Variants in MAP3K10 observed in about 807,000 individuals in gnomAD.
MAP3K10 encodes mitogen-activated protein kinase kinase kinase 10, also known as MKN28 derived nonreceptor_type serine/threonine kinase.
MAP3K10 carries 22 observed loss-of-function variants against 75.0 expected under a neutral mutation model. The observed-to-expected ratio is 0.29, with a 90% CI of 0.21 to 0.42. MAP3K10 has a LOEUF of 0.42. Ranked by LOEUF, MAP3K10 falls within the 10% of genes least tolerant of loss-of-function variation. The pLI, the probability that MAP3K10 is intolerant of heterozygous loss-of-function variation, is 1.00. For synonymous variants in MAP3K10, 599 were observed against 612.9 expected (o/e 0.98, Z 0.34); for missense variants, 1,165 against 1,379.8 (o/e 0.84, Z 2.47).
chr19:40,200,454 C>T (rs1176160491), intron 2 of MAP3K10, among the ~76,000 whole-genome samples: 3 of 151,956 alleles, frequency 2.0e-5, no homozygotes, highest in Admixed American at 6.6e-5. Context: ...TTACTGTTCC[C>T]GTCAATTCCC....
intron 2 of MAP3K10, among the ~76,000 whole-genome samples, chr19:40,202,994 A>G (rs1041307327): frequency 4.6e-5 from 7 of 152,202 alleles, no homozygotes; most frequent in Non-Finnish European, 7.3e-5. Flanking sequence ...GATTGTGTCT[A>G]TCTCTTCCCA....
intron 6 of MAP3K10, among the ~76,000 whole-genome samples, chr19:40,211,325 T>G (rs1449912183): frequency 6.6e-6 from 1 of 151,658 alleles, no homozygotes; most frequent in Non-Finnish European, 1.5e-5. Context: ...TTCTTTTTTT[T>G]TTTTTTTTTT....
chr19:40,198,262 C>A lies in MAP3K10; in HGVS notation c.683-113C>A. The stretch of plus-strand genomic sequence containing the variant: ...GGAAAGGACCTGCCACAGAGCGGGG[C>A]AGCCTGAGGCAGTGAGAGGAAAGAC... On this transcript the variant is annotated intron_variant, in intron 1 of 9. Coordinates refer to ENST00000253055, the MANE Select transcript of MAP3K10 (RefSeq NM_002446.4). The surrounding 1 kb of genome is among the most constrained non-coding windows in gnomAD (Gnocchi z 4.3). 2.0e-6 allele frequency: 2 copies of A among 1,001,284 alleles called. No individual in the cohort carries two copies. Among genetic ancestry groups the A allele is most frequent in the Non-Finnish European group, 2.9e-6 (2 of 681,114 alleles). The allele number at this position is 1,001,284 out of a possible 1,614,324, so 62.0% of individuals were successfully genotyped here.
rs762803308 is a variant in MAP3K10 at position 40,192,679 on chromosome 19, G to A, written c.648G>A (p.Val216=). 1.3e-6 allele frequency: 2 copies of A among 1,556,206 alleles called. No individual in the cohort carries two copies. Among genetic ancestry groups the A allele is most frequent in the Non-Finnish European group, 1.7e-6 (2 of 1,150,050 alleles). Residue 216 remains valine (V), a synonymous_variant, in exon 1 of 10, where the codon GTG becomes GTA. Transcript: ENST00000253055. This position sits in a 1 kb window ranked among gnomAD's most constrained non-coding sequence, Gnocchi z 7.1. ...ACTACCTACACAATGATGCCCCTGT[G>A]CCCATCATCCACCGGGACCTCAAGT... The part of the protein sequence containing the change: ...GMNYLHNDAP[V]PIIHRDLKSI...
In MAP3K10 at chr19:40,206,022, G is replaced by A. The variant is rs1424848404; in HGVS notation, c.1300G>A (p.Val434Met). ...GCTGGCAGAACGTGAGATGGACATC[G>A]TGGAACGGGAGCTGCACCTGCTCAT... ...QELAEREMDIVERELHLLMCQ... is the reference protein window; with the variant it reads ...QELAEREMDIMERELHLLMCQ... Residue 434 changes from valine (V) to methionine (M), a missense_variant, in exon 5 of 10, where the codon GTG (valine) becomes ATG (methionine). By Grantham distance (21) the Val-to-Met change is conservative. Coordinates refer to ENST00000253055, the MANE Select transcript of MAP3K10 (RefSeq NM_002446.4). 3.7e-6 allele frequency: 6 copies of A among 1,613,118 alleles called. No homozygotes were observed. Among genetic ancestry groups the A allele is most frequent in the Non-Finnish European group, 4.2e-6 (5 of 1,179,616 alleles).
chr19:40,201,970 C>T (rs541687947), intron 2 of MAP3K10, among the ~76,000 whole-genome samples: 19 of 151,652 alleles, frequency 1.3e-4, no homozygotes, highest in Non-Finnish European at 2.5e-4. Context: ...TCCCCTTGTC[C>T]CCCACCCCCC....
rs1973073307 is a variant in MAP3K10, at chr19:40,204,141, G to A, written c.864-344G>A. Among the ~76,000 whole-genome samples the A allele has an allele frequency of 6.6e-6, 1 of 152,188 alleles. No individual in the cohort carries two copies. Among genetic ancestry groups the A allele is most frequent in the African/African-American group, 2.4e-5 (1 of 41,446 alleles). ...GGAAGCCCAGGCAGGAGGATCACTT[G>A]AGCCCAGGAGTTTGAGACCAGCCTG... On this transcript the variant is annotated intron_variant, in intron 2 of 9. Transcript: ENST00000253055. The surrounding 1 kb of genome is among the most constrained non-coding windows in gnomAD (Gnocchi z 4.3).
intron 5 of MAP3K10, among the ~76,000 whole-genome samples, chr19:40,208,834 G>T (rs1973183014): frequency 6.6e-6 from 1 of 152,080 alleles, no homozygotes; most frequent in Non-Finnish European, 1.5e-5. Context: ...AAGAGCTCTT[G>T]TGCTTGTACT....
rs193184684 is a variant in MAP3K10 at position 40,197,386 on chromosome 19, C to T, written c.683-989C>T. Among the ~76,000 whole-genome samples the T allele has an allele frequency of 3.5e-3, 534 of 152,188 alleles. 1 individual carries two copies. Among genetic ancestry groups the T allele is most frequent in the Non-Finnish European group, 5.4e-3 (367 of 68,010 alleles). On this transcript the variant is annotated intron_variant, in intron 1 of 9. Coordinates refer to ENST00000253055, the MANE Select transcript of MAP3K10 (RefSeq NM_002446.4). ...TGTCACCCAGGCTGGAGTTCAATGG[C>T]GCAATCTCAGCTCACTGCCACCTCC...
chr19:40,208,602 C>T (rs912448815), intron 5 of MAP3K10, among the ~76,000 whole-genome samples: 1 of 151,074 alleles, frequency 6.6e-6, no homozygotes, highest in Admixed American at 6.6e-5. Context: ...CTTTGGGAGG[C>T]GGATGCTGGA....
At chr19:40,201,868 T>C (rs1451421579) in intron 2 of MAP3K10, among the ~76,000 whole-genome samples, 2 of 149,814 alleles carry the variant, frequency 1.3e-5, no homozygotes, top group Non-Finnish European at 3.0e-5. Context: ...GTTACATAGG[T>C]ATACATGTGC....
At position 40,191,792 on chromosome 19, in the gene MAP3K10, A is replaced by T; in HGVS notation, c.-240A>T. On this transcript the variant is annotated 5_prime_UTR_variant, in exon 1 of 10. Coordinates refer to ENST00000253055, the MANE Select transcript of MAP3K10 (RefSeq NM_002446.4). ...CTCTGCCGTTTGGGGGGCACGGGTG[A>T]ACCTGCCGCCCCACTCCCACCCCGC... is the stretch of plus-strand genomic sequence containing the variant. 1 of 376,724 alleles carries T rather than the reference A, an allele frequency of 2.7e-6. No individual in the cohort carries two copies. The highest frequency in any genetic ancestry group is 2.1e-5 in the African/African-American group (1 of 46,972). 23.3% of individuals were successfully genotyped at this position (376,724 alleles called of 1,614,324 possible). A position where few individuals can be genotyped will look rare whatever the true frequency, so the allele number is the denominator to read the frequency against.
Position 40,204,527 on chromosome 19 carries a change from C to T in MAP3K10, c.906C>T (p.Pro302=), listed in dbSNP as rs113247074. Residue 302 remains proline, a synonymous_variant, in exon 3 of 10, where the codon CCC becomes CCT. Coordinates refer to ENST00000253055, the MANE Select transcript of MAP3K10 (RefSeq NM_002446.4). This position sits in a 1 kb window ranked among gnomAD's most constrained non-coding sequence, Gnocchi z 4.3. ...LLWELLTGEV[P]YREIDALAVA... Reference sequence around the variant, plus strand: ...GGGAGCTGCTGACGGGGGAGGTCCCCTACCGTGAGATCGACGCCTTGGCCG... The same window carrying T: ...GGGAGCTGCTGACGGGGGAGGTCCCTTACCGTGAGATCGACGCCTTGGCCG... The T allele has an allele frequency of 6.2e-7, 1 of 1,613,844 alleles. No individual in the cohort carries two copies. The highest frequency in any genetic ancestry group is 1.3e-5 in the African/African-American group (1 of 74,886).
intron 1 of MAP3K10, among the ~76,000 whole-genome samples, chr19:40,195,167 A>G (rs893331337): frequency 3.3e-5 from 5 of 152,182 alleles, no homozygotes; most frequent in Admixed American, 3.3e-4. Context: ...CAGATCACAT[A>G]GGACCTTGGG....
intron 1 of MAP3K10, among the ~76,000 whole-genome samples, chr19:40,194,618 G>A (rs543562180): frequency 6.6e-6 from 1 of 152,166 alleles, no homozygotes; most frequent in Admixed American, 6.5e-5. Flanking sequence ...GCTTCCTCCC[G>A]GGGTGATGGG....
rs529519723 is a variant in MAP3K10 at position 40,213,020 on chromosome 19, G to T, written c.1724+44G>T. ...ATGCCCACCCTGTGCCCAAGCCCCA[G>T]CTCCCAGGCTCCAGGCCACAGGACT... On this transcript the variant is annotated intron_variant, in intron 7 of 9. Coordinates refer to ENST00000253055, the MANE Select transcript of MAP3K10 (RefSeq NM_002446.4). The surrounding 1 kb of genome is among the most constrained non-coding windows in gnomAD (Gnocchi z 5.7). 34 of 1,593,604 alleles carry T rather than the reference G, an allele frequency of 2.1e-5. No individual in the cohort carries two copies. The South Asian group carries it at 3.6e-4, about 17-fold the overall frequency.
intron 6 of MAP3K10, among the ~76,000 whole-genome samples, chr19:40,209,707 C>G (rs1468857648): frequency 6.6e-6 from 1 of 152,002 alleles, no homozygotes; most frequent in Non-Finnish European, 1.5e-5. Flanking sequence ...AGCCACCGCG[C>G]CCGGGCGCAG....
At chr19:40,199,599 G>A (rs550856913) in intron 2 of MAP3K10, among the ~76,000 whole-genome samples, 2 of 152,258 alleles carry the variant, frequency 1.3e-5, no homozygotes, top group East Asian at 1.9e-4. Context: ...GAAGAGAGAG[G>A]TAGGAAATTA....
At chr19:40,208,366 T>TTTTTTA (rs1408319138) in intron 5 of MAP3K10, among the ~76,000 whole-genome samples, 3 of 131,482 alleles carry the variant, frequency 2.3e-5, no homozygotes, top group African/African-American at 8.5e-5. Context: ...TTTTTTTTTT[T>TTTTTTA]TTTGTATTTT....
Sources: gnomAD v4.1 joint callset for allele counts (sites outside exome capture counted in the v4.1 genomes callset) on GRCh38, gnomAD v4.1.1 for gene constraint, Gnocchi (gnomAD v3.1) non-coding constraint, MANE v1.5 for transcripts, NCBI Gene and HGNC (gene_info 2026-07-23, HGNC 2026-07-21) for gene names.